MAD1L1: variants seen among roughly 807,000 people sequenced by gnomAD.
The protein encoded by MAD1L1 is mitotic arrest deficient 1 like 1.
In MAD1L1, 95 loss-of-function variants were observed where a neutral mutation model predicts 96.9. The ratio of observed to expected loss-of-function variants is 0.98; its 90% CI spans 0.83 to 1.16. The LOEUF (loss-of-function observed/expected upper bound fraction) is 1.16, where lower values mean the gene tolerates loss of function less well. Ranked by LOEUF, MAD1L1 falls within the 50% of genes most tolerant of loss-of-function variation. MAD1L1 has a pLI of 0.00. For synonymous variants in MAD1L1, 473 were observed against 396.6 expected, an observed-to-expected ratio of 1.19 and a Z score of -2.29; for missense variants, 1,007 against 954.4, an observed-to-expected ratio of 1.06 and a Z score of -0.73.
chr7:1,906,305 C>A (rs929376178), intron 17 of MAD1L1, among the ~76,000 whole-genome samples: 1 of 152,314 alleles, frequency 6.6e-6, no homozygotes, highest in East Asian at 1.9e-4. Flanking sequence ...AGGATAACCC[C>A]GGCCATGCAG....
At chr7:2,125,300 C>T (rs930860878) in intron 11 of MAD1L1, among the ~76,000 whole-genome samples, 11 of 152,168 alleles carry the variant, frequency 7.2e-5, no homozygotes, top group Admixed American at 5.9e-4. Flanking sequence ...GGTGCCCCTT[C>T]TGATGACTGG....
chr7:2,153,655 C>G (rs1188383257), intron 10 of MAD1L1, among the ~76,000 whole-genome samples: 2 of 152,200 alleles, frequency 1.3e-5, no homozygotes, highest in Non-Finnish European at 2.9e-5. Flanking sequence ...TCTCAAAAAG[C>G]TGAAAACAGA....
At chr7:1,825,944 G>A (rs1318160668) in intron 18 of MAD1L1, among the ~76,000 whole-genome samples, 2 of 152,048 alleles carry the variant, frequency 1.3e-5, no homozygotes, top group Non-Finnish European at 2.9e-5. Flanking sequence ...GGGGTTGGAG[G>A]CCAGCACGGT....
intron 18 of MAD1L1, among the ~76,000 whole-genome samples, chr7:1,819,857 G>T (rs2128619775): frequency 6.6e-6 from 1 of 152,222 alleles, no homozygotes; most frequent in South Asian, 2.1e-4. Flanking sequence ...TTCCTGTCAA[G>T]AACAAGACCC....
chr7:1,926,132 C>A (rs1306754565), intron 17 of MAD1L1, among the ~76,000 whole-genome samples: 1 of 152,178 alleles, frequency 6.6e-6, no homozygotes. Context: ...ACAGACAATT[C>A]ACTGCTCATA....
chr7:1,921,516 T>G (rs1788794907), intron 17 of MAD1L1, among the ~76,000 whole-genome samples: 1 of 152,126 alleles, frequency 6.6e-6, no homozygotes, highest in African/African-American at 2.4e-5. Flanking sequence ...AGAGACAGGG[T>G]TTCACCTTGT....
At chr7:2,041,707 G>A (rs1270609369) in intron 12 of MAD1L1, among the ~76,000 whole-genome samples, 2 of 152,240 alleles carry the variant, frequency 1.3e-5, no homozygotes, top group Non-Finnish European at 2.9e-5. Flanking sequence ...ATGAGGAAGA[G>A]CTTTGAAGGC....
At chr7:1,907,756 A>ACAAC (rs202245697) in intron 17 of MAD1L1, among the ~76,000 whole-genome samples, 1 of 151,928 alleles carries the variant, frequency 6.6e-6, no homozygotes, top group African/African-American at 2.4e-5. Context: ...CCTCTTAATA[A>ACAAC]AACACATCCC....
intron 12 of MAD1L1, among the ~76,000 whole-genome samples, chr7:2,060,508 AACGCTAATGTCGAGAT>A (rs1324727085): frequency 8.6e-6 from 1 of 116,054 alleles, no homozygotes; most frequent in Non-Finnish European, 1.7e-5. Flanking sequence ...AGACCGAGAT[AACGCTAATGTCGAGAT>A]ACGCTAATGC....
chr7:1,984,762 T>C (rs1781067181), intron 14 of MAD1L1, among the ~76,000 whole-genome samples: 1 of 152,256 alleles, frequency 6.6e-6, no homozygotes, highest in Non-Finnish European at 1.5e-5. Flanking sequence ...TCCTTTCCTT[T>C]TAATAGGAGA....
At chr7:2,054,193 G>A (rs1784299676) in intron 12 of MAD1L1, among the ~76,000 whole-genome samples, 1 of 152,252 alleles carries the variant, frequency 6.6e-6, no homozygotes, top group African/African-American at 2.4e-5. Flanking sequence ...TCCCACCCAT[G>A]GGCGGGTGGG....
chr7:1,873,770 C>T (rs548362794), intron 18 of MAD1L1, among the ~76,000 whole-genome samples: 26 of 152,282 alleles, frequency 1.7e-4, no homozygotes, highest in Middle Eastern at 6.8e-3. Context: ...GAAGCCCAAG[C>T]TGGCCCTGAA....
chr7:1,978,187 G>A (rs144295801), intron 15 of MAD1L1, among the ~76,000 whole-genome samples: 39 of 152,332 alleles, frequency 2.6e-4, no homozygotes, highest in Middle Eastern at 6.8e-3. Flanking sequence ...TGTCTGGCAC[G>A]TCATCCAGCC....
intron 11 of MAD1L1, among the ~76,000 whole-genome samples, chr7:2,132,262 G>A (rs766093016): frequency 2.0e-5 from 3 of 152,182 alleles, no homozygotes; most frequent in South Asian, 2.1e-4. Context: ...CACCGTGCAC[G>A]ACTGCAGTCC....
At chr7:2,073,709 T>C (rs1393749530) in intron 11 of MAD1L1, among the ~76,000 whole-genome samples, 1 of 152,092 alleles carries the variant, frequency 6.6e-6, no homozygotes, top group Non-Finnish European at 1.5e-5. Flanking sequence ...CCCCAGAGGG[T>C]AGACAGAGGC....
At chr7:2,044,438 C>G (rs1039468862) in intron 12 of MAD1L1, among the ~76,000 whole-genome samples, 2 of 152,134 alleles carry the variant, frequency 1.3e-5, no homozygotes, top group African/African-American at 4.8e-5. Context: ...GCCCGGCGCA[C>G]GTGGAAGAAG....
At chr7:2,095,593 A>G (rs992602554) in intron 11 of MAD1L1, among the ~76,000 whole-genome samples, 7 of 152,172 alleles carry the variant, frequency 4.6e-5, no homozygotes, top group Non-Finnish European at 1.5e-5. Context: ...GGCTGTTGCT[A>G]AACAGAAAAC....
intron 14 of MAD1L1, among the ~76,000 whole-genome samples, chr7:1,984,604 G>A (rs565046525): frequency 3.9e-5 from 6 of 152,286 alleles, no homozygotes; most frequent in African/African-American, 4.8e-5. Context: ...TGTGAAAAGC[G>A]CCCACCTTTG....
chr7:2,122,128 A>T (rs572930992), intron 11 of MAD1L1, among the ~76,000 whole-genome samples: 2 of 152,216 alleles, frequency 1.3e-5, no homozygotes, highest in Non-Finnish European at 2.9e-5. Context: ...GTCTCATGTC[A>T]TCCACAGAAA....
Sources: gnomAD v4.1 joint callset for allele counts (sites outside exome capture counted in the v4.1 genomes callset) on GRCh38, gnomAD v4.1.1 for gene constraint, MANE v1.5 for transcripts, NCBI Gene and HGNC (gene_info 2026-07-23, HGNC 2026-07-21) for gene names.